Variants in CACHD1 observed in about 807,000 individuals in gnomAD.
CACHD1 encodes VWFA and cache domain-containing protein 1.
CACHD1 carries 71 observed loss-of-function variants against 138.7 expected under a neutral mutation model. That is an observed-to-expected ratio of 0.51 (90% CI 0.42 to 0.62). CACHD1 has a LOEUF of 0.62. Ranked by LOEUF, CACHD1 falls within the 20% of genes least tolerant of loss-of-function variation. The pLI is 0.00. For missense variants in CACHD1, 1,389 were observed against 1,625.3 expected (o/e 0.85, Z 2.50); for synonymous variants, 578 against 591.5 (o/e 0.98, Z 0.33).
chr1:64,657,719 T>G (rs1190174079), intron 12 of CACHD1, among the ~76,000 whole-genome samples: 2 of 152,212 alleles, frequency 1.3e-5, no homozygotes, highest in African/African-American at 2.4e-5. Flanking sequence ...ACCTGCCTAG[T>G]TAAAATTTTA....
Position 64,604,529 on chromosome 1 carries a change from G to T in CACHD1, c.517+1617G>T, listed in dbSNP as rs147959631. Among the ~76,000 whole-genome samples the T allele has an allele frequency of 2.4e-3, 368 of 152,318 alleles. 2 individuals are homozygous for T. Among genetic ancestry groups the T allele is most frequent in the Non-Finnish European group, 4.1e-3 (279 of 68,026 alleles). On this transcript the variant is annotated intron_variant, in intron 4 of 26. Transcript: ENST00000651257. ...CCCAGGTACATGAGAGATGTTGCTT[G>T]TTCTGAAGACTTGAGGTTGAAATAG... is the stretch of plus-strand genomic sequence containing the variant.
intron 3 of CACHD1, among the ~76,000 whole-genome samples, chr1:64,591,273 C>G (rs1350769626): frequency 2.0e-5 from 3 of 152,058 alleles, no homozygotes; most frequent in African/African-American, 7.2e-5. Context: ...GGTATTTAAG[C>G]AGGAAGAGGA....
intron 2 of CACHD1, among the ~76,000 whole-genome samples, chr1:64,579,033 G>C (rs960319828): frequency 7.9e-5 from 12 of 152,198 alleles, no homozygotes; most frequent in Admixed American, 5.9e-4. Context: ...TTCCATCTGG[G>C]GATAAATTAG....
intron 10 of CACHD1, among the ~76,000 whole-genome samples, chr1:64,653,434 T>G (rs939001699): frequency 6.6e-6 from 1 of 152,012 alleles, no homozygotes; most frequent in Non-Finnish European, 1.5e-5. Context: ...TTGGATCTTT[T>G]TTTTATTAAA....
chr1:64,549,692 G>A (rs1419898740), intron 1 of CACHD1, among the ~76,000 whole-genome samples: 1 of 152,132 alleles, frequency 6.6e-6, no homozygotes, highest in African/African-American at 2.4e-5. Flanking sequence ...AAAGGAAGAA[G>A]GAAATTTTGG....
intron 4 of CACHD1, among the ~76,000 whole-genome samples, chr1:64,611,861 C>T (rs1215677737): frequency 6.6e-6 from 1 of 152,198 alleles, no homozygotes; most frequent in African/African-American, 2.4e-5. Flanking sequence ...ATTAATCCAT[C>T]CTCATACTGC....
chr1:64,659,049 G>C (rs990737306), intron 13 of CACHD1, among the ~76,000 whole-genome samples, 176 bp downstream of exon 13: 1 of 152,108 alleles, frequency 6.6e-6, no homozygotes, highest in Non-Finnish European at 1.5e-5. Context: ...AGATCGTCTA[G>C]CAGACTCTGA....
intron 4 of CACHD1, among the ~76,000 whole-genome samples, 187 bp downstream of exon 4, chr1:64,603,099 CTTTTTTTT>C (rs34372401): frequency 6.2e-5 from 4 of 64,896 alleles, no homozygotes; most frequent in African/African-American, 9.9e-5. Context: ...AAGCTTACAT[CTTTTTTTT>C]TTTTTTTTTT....
chr1:64,549,569 T>C (rs17126653), intron 1 of CACHD1, among the ~76,000 whole-genome samples: 4,463 of 152,224 alleles, frequency 0.029, 108 homozygotes, highest in South Asian at 0.11. Flanking sequence ...TGTTTAGATG[T>C]ACATTGCATG....
At chr1:64,486,246 A>C (rs1646241164) in intron 1 of CACHD1, among the ~76,000 whole-genome samples, 1 of 152,072 alleles carries the variant, frequency 6.6e-6, no homozygotes, top group South Asian at 2.1e-4. Flanking sequence ...ATTTTTATTA[A>C]ATTTGTAGCA....
At chr1:64,589,941 C>T (rs767761450) in intron 3 of CACHD1, among the ~76,000 whole-genome samples, 7 of 152,074 alleles carry the variant, frequency 4.6e-5, no homozygotes, top group African/African-American at 7.2e-5. Flanking sequence ...TGTTAACCTT[C>T]GGATTTAGAC....
chr1:64,526,450 C>T lies in CACHD1; in HGVS notation c.199-24144C>T, dbSNP rs990828655. On this transcript the variant is annotated intron_variant, in intron 1 of 26. Transcript: ENST00000651257. ...CAAAAATGGGTAATAAGAATAACAA[C>T]GTTATTCCCGGAAGAAAAGGTTCCA... 5.3e-5 allele frequency among the ~76,000 whole-genome samples: 8 copies of T among 152,032 alleles called. No homozygotes were observed. In the South Asian group the frequency reaches 1.0e-3, roughly 20 times the overall value.
intron 16 of CACHD1, 122 bp downstream of exon 16, chr1:64,666,289 A>G (rs889647745): frequency 3.7e-6 from 2 of 546,410 alleles, no homozygotes; most frequent in African/African-American, 3.8e-5. Flanking sequence ...AAGTGAGGCC[A>G]GCTGGGATTT....
At chr1:64,671,263 G>T (rs1649806210) in intron 16 of CACHD1, among the ~76,000 whole-genome samples, 1 of 151,990 alleles carries the variant, frequency 6.6e-6, no homozygotes, top group Non-Finnish European at 1.5e-5. Flanking sequence ...CCCACCTGAT[G>T]CCTCTGTGCC....
intron 2 of CACHD1, chr1:64,563,711 A>G (rs1224046449): frequency 6.6e-6 from 1 of 152,198 alleles, no homozygotes; most frequent in Non-Finnish European, 1.5e-5. Flanking sequence ...GGGGTTAGGA[A>G]ACTTTTCTCT....
intron 12 of CACHD1, among the ~76,000 whole-genome samples, chr1:64,657,900 A>G (rs1649319306): frequency 6.6e-6 from 1 of 152,154 alleles, no homozygotes; most frequent in African/African-American, 2.4e-5. Flanking sequence ...AATTTCTTTT[A>G]CTTTTAAGTC....
At chr1:64,491,514 T>A (rs1232189648) in intron 1 of CACHD1, among the ~76,000 whole-genome samples, 1 of 151,950 alleles carries the variant, frequency 6.6e-6, no homozygotes. Context: ...TACCATCAGA[T>A]CTCATGAGAA....
chr1:64,653,950 G>T (rs1649185640), intron 11 of CACHD1, 69 bp downstream of exon 11: 1 of 1,326,780 alleles, frequency 7.5e-7, no homozygotes, highest in Non-Finnish European at 1.1e-6. Context: ...CCACATACGA[G>T]TATTTACTAC....
chr1:64,617,924 CA>C (rs1647769846), intron 4 of CACHD1, among the ~76,000 whole-genome samples: 3 of 151,968 alleles, frequency 2.0e-5, no homozygotes, highest in Admixed American at 2.0e-4. Context: ...ACTAAAAATA[CA>C]AAAAATTAGC....
Sources: gnomAD v4.1 joint callset for allele counts (sites outside exome capture counted in the v4.1 genomes callset) on GRCh38, gnomAD v4.1.1 for gene constraint, MANE v1.5 for transcripts, NCBI Gene and HGNC (gene_info 2026-07-23, HGNC 2026-07-21) for gene names.